Variants in RPTOR observed in about 807,000 individuals in gnomAD.
RPTOR encodes regulatory-associated protein of mTOR.
RPTOR carries 21 observed loss-of-function variants against 169.9 expected under a neutral mutation model. That is an observed-to-expected ratio of 0.12 (90% CI 0.09 to 0.18). The LOEUF is 0.18. Ranked by LOEUF, RPTOR falls within the 10% of genes least tolerant of loss-of-function variation. The probability of loss-of-function intolerance (pLI) is 1.00; values close to 1 mark genes in which losing one functional copy is unlikely to be tolerated. For synonymous variants in RPTOR, 732 were observed against 753.2 expected (o/e 0.97, Z 0.46); for missense variants, 1,133 against 1,855.9 (o/e 0.61, Z 7.16).
intron 21 of RPTOR, among the ~76,000 whole-genome samples, chr17:80,910,042 C>G (rs2068593718): frequency 6.6e-6 from 1 of 152,168 alleles, no homozygotes; most frequent in Non-Finnish European, 1.5e-5. Context: ...GGTTGTCACT[C>G]TACCCTTGAG....
At chr17:80,727,761 C>CTT (rs35254950) in intron 4 of RPTOR, among the ~76,000 whole-genome samples, 275 of 149,846 alleles carry the variant, frequency 1.8e-3, no homozygotes, top group African/African-American at 5.9e-3. Context: ...TAATTTTCAG[C>CTT]TTTTTTTTTT....
At chr17:80,864,631 C>G (rs868398508) in intron 13 of RPTOR, among the ~76,000 whole-genome samples, 1 of 152,206 alleles carries the variant, frequency 6.6e-6, no homozygotes, top group African/African-American at 2.4e-5. Flanking sequence ...ATCCACACTA[C>G]AAGAAACGTG....
chr17:80,876,096 G>T (rs1189560799), intron 13 of RPTOR, among the ~76,000 whole-genome samples: 8 of 126,320 alleles, frequency 6.3e-5, no homozygotes, highest in African/African-American at 2.7e-4. Flanking sequence ...TGTGTCACCT[G>T]CCGGGTCTTC....
In RPTOR at chr17:80,633,603, C is replaced by T. The variant is rs767132194; in HGVS notation, c.265+7810C>T. ...CAGGTGATGCGGGGCTGTGATCTAT[C>T]CATTACTGGTCATGCAGATCTTCTC... On this transcript the variant is annotated intron_variant, in intron 2 of 33. Coordinates refer to ENST00000306801, the MANE Select transcript of RPTOR (RefSeq NM_020761.3). This position sits in a 1 kb window ranked among gnomAD's most constrained non-coding sequence, Gnocchi z 4.1. Among the ~76,000 whole-genome samples the T allele has an allele frequency of 7.9e-5, 12 of 152,246 alleles. No homozygotes were observed. Among genetic ancestry groups the T allele is most frequent in the Non-Finnish European group, 1.5e-5 (1 of 68,048 alleles).
intron 13 of RPTOR, among the ~76,000 whole-genome samples, chr17:80,865,748 A>G (rs185258944): frequency 6.6e-6 from 1 of 152,106 alleles, no homozygotes. Context: ...TGACGGAACA[A>G]GCAGAAGAGA....
intron 3 of RPTOR, among the ~76,000 whole-genome samples, chr17:80,692,062 T>C (rs2065996903): frequency 6.6e-6 from 1 of 152,230 alleles, no homozygotes; most frequent in Non-Finnish European, 1.5e-5. Flanking sequence ...GCTGAGGCAC[T>C]CGCCCTTCCT....
At chr17:80,546,855 G>A (rs905555172) in intron 1 of RPTOR, among the ~76,000 whole-genome samples, 4 of 152,126 alleles carry the variant, frequency 2.6e-5, no homozygotes, top group Non-Finnish European at 5.9e-5. Flanking sequence ...GATCACCTGA[G>A]GTCAGGAGTT....
rs558440484 is a variant in RPTOR at position 80,572,389 on chromosome 17, T to G, written c.162+26598T>G. Among the ~76,000 whole-genome samples the G allele has an allele frequency of 1.3e-4, 20 of 149,176 alleles. No homozygotes were observed. In the South Asian group the frequency reaches 2.5e-3, roughly 19 times the overall value. On this transcript the variant is annotated intron_variant, in intron 1 of 33. Coordinates refer to ENST00000306801, the MANE Select transcript of RPTOR (RefSeq NM_020761.3). ...ACCTAAGCAGGCATAGGATATAAGA[T>G]AATTATATATTTTCTTCTTTTTTTT...
intron 1 of RPTOR, among the ~76,000 whole-genome samples, chr17:80,587,859 C>T (rs1432564896): frequency 6.6e-6 from 1 of 151,918 alleles, no homozygotes; most frequent in Non-Finnish European, 1.5e-5. Context: ...CAGCATGCTG[C>T]ATAGTAGATC....
chr17:80,821,175 T>C (rs1235649256), intron 7 of RPTOR, among the ~76,000 whole-genome samples: 2 of 152,154 alleles, frequency 1.3e-5, no homozygotes, highest in Non-Finnish European at 2.9e-5. Context: ...TCCCAACACT[T>C]TGGGAGGGTG....
chr17:80,716,941 T>C (rs935867081), intron 4 of RPTOR, among the ~76,000 whole-genome samples: 1 of 152,272 alleles, frequency 6.6e-6, no homozygotes, highest in African/African-American at 2.4e-5. Flanking sequence ...CCTGTTTTTA[T>C]ACCAGTGCCA....
chr17:80,937,456 G>T (rs1247759828), intron 24 of RPTOR, among the ~76,000 whole-genome samples: 1 of 152,116 alleles, frequency 6.6e-6, no homozygotes, highest in Non-Finnish European at 1.5e-5. Context: ...TGAGCCCCAG[G>T]TTTTTCTTTG....
chr17:80,579,780 G>A (rs2064998981), intron 1 of RPTOR, among the ~76,000 whole-genome samples: 2 of 152,230 alleles, frequency 1.3e-5, no homozygotes, highest in Admixed American at 6.5e-5. Context: ...AAATCTGCAT[G>A]TGGGGTAGTT....
rs547646401 is a variant in RPTOR, at chr17:80,914,440, G to A, written c.2520+5511G>A. On this transcript the variant is annotated intron_variant, in intron 21 of 33. Transcript: ENST00000306801. Reference sequence around the variant, plus strand: ...CTCTGCTCTTGGGGACCAGGAGCGGGCAGGAGCTCCACCCTCCCAGGTGCA... The same window carrying A: ...CTCTGCTCTTGGGGACCAGGAGCGGACAGGAGCTCCACCCTCCCAGGTGCA... Among the ~76,000 whole-genome samples the A allele has an allele frequency of 2.6e-5, 4 of 152,304 alleles. 1 individual carries two copies. In the South Asian group the frequency reaches 8.3e-4, roughly 32 times the overall value.
rs146353097 is a variant in RPTOR, at chr17:80,659,923, G to A, written c.348+16113G>A. Among the ~76,000 whole-genome samples, 4 of 152,296 alleles carry A rather than the reference G, an allele frequency of 2.6e-5. No individual in the cohort carries two copies. The highest frequency in any genetic ancestry group is 9.6e-5 in the African/African-American group (4 of 41,572). ...TTGGCCTCCCAAAGTGCTGGGATTT[G>A]AGCATGAACCACCGTGCCTGGCCTG... On this transcript the variant is annotated intron_variant, in intron 3 of 33. Coordinates refer to ENST00000306801, the MANE Select transcript of RPTOR (RefSeq NM_020761.3). This position sits in a 1 kb window ranked among gnomAD's most constrained non-coding sequence, Gnocchi z 4.3.
intron 1 of RPTOR, among the ~76,000 whole-genome samples, chr17:80,561,606 A>AT (rs964373286): frequency 3.3e-5 from 5 of 150,508 alleles, no homozygotes; most frequent in African/African-American, 7.4e-5. Flanking sequence ...TGATTTTTGT[A>AT]TTTTTTTGTA....
intron 13 of RPTOR, among the ~76,000 whole-genome samples, chr17:80,877,798 G>A (rs1044473127): frequency 2.6e-5 from 4 of 152,176 alleles, no homozygotes; most frequent in African/African-American, 7.2e-5. Flanking sequence ...GGCCTCCTCA[G>A]CTCGGGGGAG....
At chr17:80,775,535 G>A (rs1336882644) in intron 6 of RPTOR, among the ~76,000 whole-genome samples, 3 of 152,208 alleles carry the variant, frequency 2.0e-5, no homozygotes, top group Non-Finnish European at 4.4e-5. Flanking sequence ...GGCAGAGCCA[G>A]CCCTGGTTTC....
chr17:80,634,125 T>C (rs867255299), intron 2 of RPTOR, among the ~76,000 whole-genome samples: 3 of 150,954 alleles, frequency 2.0e-5, no homozygotes, highest in South Asian at 4.2e-4. Flanking sequence ...ATACTGTGTG[T>C]GTGTGTGCAT....
Sources: allele counts gnomAD v4.1 joint callset (sites outside exome capture counted in the v4.1 genomes callset), GRCh38; gene constraint gnomAD v4.1.1; non-coding constraint Gnocchi (gnomAD v3.1); transcripts MANE v1.5; gene names NCBI Gene and HGNC (gene_info 2026-07-23, HGNC 2026-07-21).